The following SYN3 variants were observed in gnomAD, a reference collection of about 807,000 sequenced individuals.
SYN3 encodes synapsin-3.
Under a neutral mutation model 65.8 loss-of-function variants are expected in SYN3, and 35 were observed. That is an observed-to-expected ratio of 0.53 (90% CI 0.41 to 0.70). SYN3 has a LOEUF of 0.70. SYN3 is among the 30% of genes least tolerant of loss of function. SYN3 has a pLI of 0.00. For synonymous variants in SYN3, 270 were observed against 292.9 expected (o/e 0.92, Z 0.80); for missense variants, 680 against 749.0 (o/e 0.91, Z 1.08).
chr22:33,050,080 C>T (rs1449929110), intron 1 of SYN3, among the ~76,000 whole-genome samples: 2 of 152,062 alleles, frequency 1.3e-5, no homozygotes, highest in African/African-American at 4.8e-5. Flanking sequence ...CAACTCCAAA[C>T]ACCTAAGACA....
chr22:32,868,098 C>T (rs1027850247), intron 5 of SYN3, among the ~76,000 whole-genome samples: 23 of 152,174 alleles, frequency 1.5e-4, no homozygotes, highest in African/African-American at 5.3e-4. Flanking sequence ...AGGGTTGACA[C>T]TCACTTCACA....
rs1482936926 is a variant in SYN3, at chr22:32,511,919, G to A, written c.*1773C>T. Among the ~76,000 whole-genome samples the A allele has an allele frequency of 6.6e-6, 1 of 152,168 alleles. No homozygotes were observed. Among genetic ancestry groups the A allele is most frequent in the Non-Finnish European group, 1.5e-5 (1 of 68,020 alleles). ...GACCTGATCATGAGTGAGGGAAGAG[G>A]GCAATGTGAAGAGGACTGTCCTAAA... On this transcript the variant is annotated 3_prime_UTR_variant, in exon 14 of 14. Coordinates refer to ENST00000358763, the MANE Select transcript of SYN3 (RefSeq NM_003490.4).
chr22:33,035,113 G>A (rs537134448), intron 1 of SYN3, among the ~76,000 whole-genome samples: 2 of 152,174 alleles, frequency 1.3e-5, no homozygotes, highest in East Asian at 3.9e-4. Context: ...GGAGTGGGGT[G>A]GGCATATTGT....
chr22:32,578,254 C>CTCTCTCT (rs1569057605), intron 7 of SYN3, among the ~76,000 whole-genome samples: 113 of 138,338 alleles, frequency 8.2e-4, no homozygotes, highest in African/African-American at 2.5e-3. Context: ...TCTCTCTCTC[C>CTCTCTCT]CTCTCTCTTT....
intron 7 of SYN3, among the ~76,000 whole-genome samples, chr22:32,558,292 A>C (rs2058532406): frequency 6.6e-6 from 1 of 152,222 alleles, no homozygotes; most frequent in South Asian, 2.1e-4. Flanking sequence ...ATAGCTGAGA[A>C]GGCTTTGTGA....
intron 4 of SYN3, among the ~76,000 whole-genome samples, chr22:32,889,534 C>T (rs567647409): frequency 6.6e-5 from 10 of 152,068 alleles, no homozygotes; most frequent in African/African-American, 1.7e-4. Flanking sequence ...AGAGGATAAA[C>T]GCAGTAGTCC....
chr22:32,719,771 C>T (rs1033638514), intron 6 of SYN3, among the ~76,000 whole-genome samples: 10 of 152,020 alleles, frequency 6.6e-5, no homozygotes, highest in Admixed American at 2.6e-4. Flanking sequence ...TGGCTTTAGC[C>T]TAGGAGTTTG....
In SYN3 at chr22:32,635,886, A is replaced by G. The variant is rs187976240; in HGVS notation, c.712-39150T>C. 5.9e-5 allele frequency among the ~76,000 whole-genome samples: 9 copies of G among 152,358 alleles called. No individual in the cohort carries two copies. In the East Asian group the frequency reaches 1.7e-3, roughly 29 times the overall value. On this transcript the variant is annotated intron_variant, in intron 6 of 13. Coordinates refer to ENST00000358763, the MANE Select transcript of SYN3 (RefSeq NM_003490.4). ...GACTTAAGAAAGAATGATAAAAGAA[A>G]GAGAAAAAATCCTCCTGATCCCTCC...
intron 12 of SYN3, among the ~76,000 whole-genome samples, chr22:32,523,232 G>C (rs1327732719): frequency 6.6e-6 from 1 of 152,172 alleles, no homozygotes; most frequent in Non-Finnish European, 1.5e-5. Context: ...CAGTGAACTG[G>C]CCGGGCGTGG....
intron 3 of SYN3, among the ~76,000 whole-genome samples, chr22:32,935,081 G>C (rs2050733612): frequency 6.6e-6 from 1 of 152,150 alleles, no homozygotes; most frequent in Non-Finnish European, 1.5e-5. Flanking sequence ...ATAAATTTCT[G>C]TTGTTTTAAG....
At chr22:32,971,275 C>T (rs1316735227) in intron 3 of SYN3, among the ~76,000 whole-genome samples, 1 of 152,112 alleles carries the variant, frequency 6.6e-6, no homozygotes, top group Admixed American at 6.5e-5. Context: ...AGCTAATGGG[C>T]CCTAGTATTC....
chr22:33,025,311 A>G (rs894218352), intron 1 of SYN3, among the ~76,000 whole-genome samples: 1 of 151,752 alleles, frequency 6.6e-6, no homozygotes, highest in Admixed American at 6.6e-5. Flanking sequence ...AAAATTAGCC[A>G]GGCATGGTGG....
intron 7 of SYN3, among the ~76,000 whole-genome samples, chr22:32,587,512 G>T (rs1216657553): frequency 6.6e-6 from 1 of 152,084 alleles, no homozygotes; most frequent in African/African-American, 2.4e-5. Flanking sequence ...TCCCAGTTGC[G>T]GGGAACCTTT....
At chr22:32,642,778 G>A (rs749759467) in intron 6 of SYN3, among the ~76,000 whole-genome samples, 7 of 151,926 alleles carry the variant, frequency 4.6e-5, no homozygotes, top group African/African-American at 1.7e-4. Flanking sequence ...AGGCTGTCTC[G>A]AACTCCTAAG....
intron 6 of SYN3, among the ~76,000 whole-genome samples, chr22:32,634,600 C>T (rs1171365440): frequency 1.3e-5 from 2 of 152,190 alleles, no homozygotes; most frequent in Non-Finnish European, 2.9e-5. Flanking sequence ...GGTTCCCTCC[C>T]TGCGAGGGGT....
At position 32,678,303 on chromosome 22, in the gene SYN3, C is replaced by T. The variant is rs529339320; in HGVS notation, c.712-81567G>A. 1.7e-4 allele frequency among the ~76,000 whole-genome samples: 26 copies of T among 152,290 alleles called. No homozygotes were observed. In the South Asian group the frequency reaches 5.4e-3, roughly 32 times the overall value. On this transcript the variant is annotated intron_variant, in intron 6 of 13. Transcript: ENST00000358763. ...ACCTGCGGCCCAGTCCAGTCTAGCA[C>T]AAACTCACTGTGGGCTCTCAGATGT...
chr22:32,807,364 T>A lies in SYN3; in HGVS notation c.711+57551A>T, dbSNP rs1260847857. ...TAATATATAAATATATAATATATAA[T>A]ATATATTATATATAATATATATTAT... On this transcript the variant is annotated intron_variant, in intron 6 of 13. Transcript: ENST00000358763. Among the ~76,000 whole-genome samples the A allele has an allele frequency of 2.8e-4, 21 of 74,664 alleles. No homozygotes were observed. In the East Asian group the frequency reaches 5.6e-3, roughly 20 times the overall value. The allele number at this position is 74,664 out of a possible 152,430, so 49.0% of individuals were successfully genotyped here.
At chr22:32,641,177 T>G (rs2059892677) in intron 6 of SYN3, among the ~76,000 whole-genome samples, 1 of 152,174 alleles carries the variant, frequency 6.6e-6, no homozygotes, top group Non-Finnish European at 1.5e-5. Context: ...TTACAGGCAG[T>G]CAGGCAGGGC....
chr22:32,830,213 T>C (rs960943145), intron 6 of SYN3, among the ~76,000 whole-genome samples: 3 of 152,198 alleles, frequency 2.0e-5, no homozygotes, highest in Admixed American at 6.5e-5. Flanking sequence ...GCCTCTTCAC[T>C]GTCTTGGGAA....
Sources: allele counts gnomAD v4.1 joint callset (sites outside exome capture counted in the v4.1 genomes callset), GRCh38; gene constraint gnomAD v4.1.1; transcripts MANE v1.5; gene names NCBI Gene and HGNC (gene_info 2026-07-23, HGNC 2026-07-21).